SMYD2: variants seen among roughly 807,000 people sequenced by gnomAD.
The protein encoded by SMYD2 is N-lysine methyltransferase SMYD2.
SMYD2 carries 53 observed loss-of-function variants against 59.1 expected under a neutral mutation model. That is an observed-to-expected ratio of 0.90 (90% CI 0.72 to 1.13). SMYD2 has a LOEUF of 1.13. SMYD2 is among the 50% of genes most tolerant of loss of function. The pLI, the probability that SMYD2 is intolerant of heterozygous loss-of-function variation, is 0.00. For missense variants in SMYD2, 494 were observed against 544.7 expected (o/e 0.91, Z 0.93); for synonymous variants, 208 against 198.8 (o/e 1.05, Z -0.39).
intron 11 of SMYD2, among the ~76,000 whole-genome samples, chr1:214,334,688 C>T (rs1008230881): frequency 4.6e-5 from 7 of 152,192 alleles, no homozygotes; most frequent in East Asian, 1.9e-4. Flanking sequence ...GTTAGAATTG[C>T]GCATTTGCTG....
chr1:214,303,193 T>A (rs1313759441), intron 1 of SMYD2, among the ~76,000 whole-genome samples: 3 of 152,182 alleles, frequency 2.0e-5, no homozygotes, highest in Non-Finnish European at 2.9e-5. Flanking sequence ...TAGACATTTT[T>A]AAAGGGTAGC....
intron 7 of SMYD2, among the ~76,000 whole-genome samples, chr1:214,328,592 T>C (rs1463246515): frequency 1.3e-5 from 2 of 152,196 alleles, no homozygotes; most frequent in East Asian, 3.8e-4. Flanking sequence ...TTGGGTTAAT[T>C]TCAGTTTAGC....
intron 2 of SMYD2, among the ~76,000 whole-genome samples, chr1:214,313,726 T>A (rs1441063249): frequency 6.6e-6 from 1 of 152,042 alleles, no homozygotes; most frequent in Non-Finnish European, 1.5e-5. Flanking sequence ...TACTCCCTAG[T>A]CCTCAAAGTA....
intron 5 of SMYD2, among the ~76,000 whole-genome samples, chr1:214,321,930 CTT>C (rs1328381363): frequency 6.6e-6 from 1 of 152,170 alleles, no homozygotes; most frequent in Non-Finnish European, 1.5e-5. Context: ...AGTAATGACT[CTT>C]AGGCTCATGG....
intron 6 of SMYD2, among the ~76,000 whole-genome samples, chr1:214,327,337 A>T (rs1285062437): frequency 6.6e-6 from 1 of 152,188 alleles, no homozygotes; most frequent in Non-Finnish European, 1.5e-5. Flanking sequence ...TCAGGGAGGA[A>T]TATTTGTGGC....
intron 11 of SMYD2, 91 bp from the exon 12 acceptor site, chr1:214,336,613 A>T: frequency 8.7e-7 from 1 of 1,148,652 alleles, no homozygotes; most frequent in Non-Finnish European, 1.3e-6. Flanking sequence ...CCTGTGCCTT[A>T]AAGCAGAGAG....
chr1:214,332,799 T>G (rs1411474229), intron 10 of SMYD2: 1 of 152,804 alleles, frequency 6.5e-6, no homozygotes, highest in Non-Finnish European at 1.5e-5. Context: ...AAGTTGTGGC[T>G]TTGTCCTCTG....
chr1:214,316,591 A>G (rs1001267591), intron 3 of SMYD2, among the ~76,000 whole-genome samples: 12 of 152,126 alleles, frequency 7.9e-5, no homozygotes, highest in Non-Finnish European at 1.8e-4. Flanking sequence ...AATCTAAGCC[A>G]AATGTGATGG....
chr1:214,300,704 G>A (rs1392855795), intron 1 of SMYD2, among the ~76,000 whole-genome samples: 4 of 152,262 alleles, frequency 2.6e-5, no homozygotes, highest in South Asian at 2.1e-4. Context: ...ATGCTTCGGC[G>A]TGATGGAAAC....
chr1:214,336,664 T>G, intron 11 of SMYD2, 40 bp from the exon 12 acceptor site: 2 of 1,594,986 alleles, frequency 1.3e-6, no homozygotes, highest in Non-Finnish European at 1.7e-6. Flanking sequence ...GTGAGGAGAT[T>G]GGCTTCTAGG....
chr1:214,326,818 G>C (rs1363817565), intron 6 of SMYD2, among the ~76,000 whole-genome samples: 2 of 152,220 alleles, frequency 1.3e-5, no homozygotes, highest in African/African-American at 4.8e-5. Context: ...ATGGCTGTGA[G>C]TGCCCGTAGG....
At chr1:214,333,344 C>G (rs535995969) in intron 10 of SMYD2, 1 of 152,246 alleles carries the variant, frequency 6.6e-6, no homozygotes, top group African/African-American at 2.4e-5. Flanking sequence ...TCTTTATCTG[C>G]GTGAGCCCCT....
Position 214,336,930 on chromosome 1 carries a change from C to T in SMYD2, c.*146C>T, listed in dbSNP as rs1657449834. On this transcript the variant is annotated 3_prime_UTR_variant, in exon 12 of 12. Coordinates refer to ENST00000366957, the MANE Select transcript of SMYD2 (RefSeq NM_020197.3). ...TCTTGCACTTAAACACTGCACATGCCGTACTTTGAGGTTAGTCTGAATCTT... is the reference window on the plus strand; with the variant it reads ...TCTTGCACTTAAACACTGCACATGCTGTACTTTGAGGTTAGTCTGAATCTT... The T allele has an allele frequency of 3.2e-6, 2 of 626,130 alleles. No individual in the cohort carries two copies. Among genetic ancestry groups the T allele is most frequent in the African/African-American group, 1.9e-5 (1 of 52,764 alleles). The allele number at this position is 626,130 out of a possible 1,614,324, so 38.8% of individuals were successfully genotyped here.
rs945848729 is a variant in SMYD2, at chr1:214,336,625, T to C, written c.1222-79T>C. The stretch of plus-strand genomic sequence containing the variant: ...CATCCTGTGCCTTAAAGCAGAGAGA[T>C]CCAACTTAAAGTTACCCTGGGTGGA... On this transcript the variant is annotated intron_variant, in intron 11 of 11. Transcript: ENST00000366957. 1.2e-5 allele frequency: 16 copies of C among 1,322,304 alleles called. No homozygotes were observed. The African/African-American group carries it at 1.9e-4, about 16-fold the overall frequency. 81.9% of individuals were successfully genotyped at this position (1,322,304 alleles called of 1,614,324 possible).
chr1:214,330,384 C>A (rs1657332550), intron 8 of SMYD2, 106 bp downstream of exon 8: 1 of 690,708 alleles, frequency 1.4e-6, no homozygotes, highest in African/African-American at 1.8e-5. Context: ...TCTTTTTGAC[C>A]CTTTAAACCC....
chr1:214,287,673 T>C (rs1656572991), intron 1 of SMYD2, among the ~76,000 whole-genome samples: 1 of 150,304 alleles, frequency 6.7e-6, no homozygotes, highest in Non-Finnish European at 1.5e-5. Context: ...GAATTAATGA[T>C]GGGGTCTGGG....
chr1:214,325,427 C>T (rs959597623), intron 6 of SMYD2, among the ~76,000 whole-genome samples: 1 of 152,254 alleles, frequency 6.6e-6, no homozygotes, highest in Non-Finnish European at 1.5e-5. Flanking sequence ...CATGCATCCC[C>T]CCAGCCTCCA....
chr1:214,283,927 G>A (rs1423938905), intron 1 of SMYD2, among the ~76,000 whole-genome samples: 1 of 152,112 alleles, frequency 6.6e-6, no homozygotes, highest in African/African-American at 2.4e-5. Flanking sequence ...ATTTCTTTAG[G>A]TAGGAATAAG....
intron 1 of SMYD2, among the ~76,000 whole-genome samples, chr1:214,291,622 C>A (rs1291772435): frequency 6.6e-6 from 1 of 152,162 alleles, no homozygotes; most frequent in African/African-American, 2.4e-5. Context: ...TGACTAAATA[C>A]ATTTGTTATG....
Sources: allele counts gnomAD v4.1 joint callset (sites outside exome capture counted in the v4.1 genomes callset), GRCh38; gene constraint gnomAD v4.1.1; transcripts MANE v1.5; gene names NCBI Gene and HGNC (gene_info 2026-07-23, HGNC 2026-07-21).